Variants in UNC5D observed in about 807,000 individuals in gnomAD.
UNC5D encodes the protein unc-5 netrin receptor D, also known as netrin receptor UNC5D.
UNC5D carries 39 observed loss-of-function variants against 105.4 expected under a neutral mutation model. That is an observed-to-expected ratio of 0.37 (90% CI 0.29 to 0.48). The LOEUF (loss-of-function observed/expected upper bound fraction) is 0.48. Ranked by LOEUF, UNC5D falls within the 20% of genes least tolerant of loss-of-function variation. The pLI, the probability that UNC5D is intolerant of heterozygous loss-of-function variation, is 0.98. For synonymous variants in UNC5D, 452 were observed against 450.4 expected, an observed-to-expected ratio of 1.00 and a Z score of -0.04; for missense variants, 991 against 1,202.4, an observed-to-expected ratio of 0.82 and a Z score of 2.60.
intron 14 of UNC5D, among the ~76,000 whole-genome samples, chr8:35,763,348 T>G (rs2131696009): frequency 6.6e-6 from 1 of 152,226 alleles, no homozygotes; most frequent in Non-Finnish European, 1.5e-5. Context: ...CAGTAGGCAT[T>G]ACTCTTTTAT....
intron 1 of UNC5D, among the ~76,000 whole-genome samples, chr8:35,266,807 C>A (rs1213143950): frequency 2.1e-5 from 1 of 46,838 alleles, no homozygotes; most frequent in African/African-American, 9.4e-5. Context: ...GTTAATGGAG[C>A]ACCTACACAT....
intron 1 of UNC5D, among the ~76,000 whole-genome samples, chr8:35,381,367 C>CT (rs1344081085): frequency 6.6e-6 from 1 of 152,076 alleles, no homozygotes; most frequent in Non-Finnish European, 1.5e-5. Flanking sequence ...TGATTTATAA[C>CT]CATAGACTCT....
At chr8:35,552,998 T>A (rs1396630549) in intron 2 of UNC5D, among the ~76,000 whole-genome samples, 2 of 152,202 alleles carry the variant, frequency 1.3e-5, no homozygotes, top group Non-Finnish European at 2.9e-5. Flanking sequence ...ACTGGGGCTG[T>A]ATGTTTTTTA....
At chr8:35,570,824 G>T (rs1347100768) in intron 3 of UNC5D, among the ~76,000 whole-genome samples, 4 of 151,860 alleles carry the variant, frequency 2.6e-5, no homozygotes, top group Non-Finnish European at 5.9e-5. Flanking sequence ...CAGGTATGGT[G>T]GCATATGCCT....
At chr8:35,310,477 G>A (rs527313416) in intron 1 of UNC5D, among the ~76,000 whole-genome samples, 3 of 151,974 alleles carry the variant, frequency 2.0e-5, no homozygotes, top group East Asian at 1.9e-4. Flanking sequence ...AAAATCTGCC[G>A]GGTGTGGTAA....
At chr8:35,609,587 G>A (rs1227260374) in intron 4 of UNC5D, among the ~76,000 whole-genome samples, 1 of 152,176 alleles carries the variant, frequency 6.6e-6, no homozygotes, top group African/African-American at 2.4e-5. Context: ...CACCGAGTAT[G>A]TATCATTCTG....
At chr8:35,538,953 T>C (rs564571017) in intron 1 of UNC5D, among the ~76,000 whole-genome samples, 8 of 152,254 alleles carry the variant, frequency 5.3e-5, no homozygotes, top group African/African-American at 1.9e-4. Flanking sequence ...ACAACTGTAC[T>C]AAAGATATAA....
At position 35,297,763 on chromosome 8, in the gene UNC5D, T is replaced by C. The variant is rs369658953; in HGVS notation, c.103+61876T>C. Among the ~76,000 whole-genome samples the C allele has an allele frequency of 8.1e-5, 12 of 148,182 alleles. No individual in the cohort carries two copies. In the South Asian group the frequency reaches 2.2e-3, roughly 27 times the overall value. ...TGAATTGTGTTCCCTAACACTCAGA[T>C]GTAAGATGTTATGATTTTTTTTTTA... On this transcript the variant is annotated intron_variant, in intron 1 of 16. Coordinates refer to ENST00000404895, the MANE Select transcript of UNC5D (RefSeq NM_080872.4).
intron 1 of UNC5D, among the ~76,000 whole-genome samples, chr8:35,337,807 C>A (rs1250661608): frequency 2.0e-5 from 3 of 150,054 alleles, no homozygotes; most frequent in Middle Eastern, 3.5e-3. Flanking sequence ...GGTTTAATTT[C>A]AACATTTCTA....
In UNC5D at chr8:35,657,080, G is replaced by GTATATATA. The variant is rs3077002; in HGVS notation, c.571-26431_571-26424dup. 5.7e-3 allele frequency among the ~76,000 whole-genome samples: 264 copies of GTATATATA among 46,456 alleles called. 8 individuals are homozygous for GTATATATA. The highest frequency in any genetic ancestry group is 7.8e-3 in the Non-Finnish European group (215 of 27,616). 30.5% of individuals were successfully genotyped at this position (46,456 alleles called of 152,430 possible). Reference sequence around the variant, plus strand: ...TGTGTGTGTGTGTGTGTGTGTGTGTGTATATATATATATATATATATATAT... The same window carrying GTATATATA: ...TGTGTGTGTGTGTGTGTGTGTGTGTGTATATATATATATATATATATATATATATATAT... On this transcript the variant is annotated intron_variant, in intron 4 of 16. Coordinates refer to ENST00000404895, the MANE Select transcript of UNC5D (RefSeq NM_080872.4).
At chr8:35,650,369 A>G (rs1332000194) in intron 4 of UNC5D, among the ~76,000 whole-genome samples, 1 of 152,118 alleles carries the variant, frequency 6.6e-6, no homozygotes, top group Non-Finnish European at 1.5e-5. Flanking sequence ...AGTTTCTAAT[A>G]TGATAGACTG....
intron 1 of UNC5D, among the ~76,000 whole-genome samples, chr8:35,348,645 T>C (rs1563333430): frequency 6.6e-6 from 1 of 151,890 alleles, no homozygotes; most frequent in South Asian, 2.1e-4. Context: ...TTAAAAATTC[T>C]GATAATTCCC....
At chr8:35,455,073 C>T (rs191636432) in intron 1 of UNC5D, among the ~76,000 whole-genome samples, 122 of 152,156 alleles carry the variant, frequency 8.0e-4, no homozygotes, top group South Asian at 2.3e-3. Flanking sequence ...TCTATAGAGA[C>T]TTATAGGTTT....
At chr8:35,516,261 G>A (rs1014265744) in intron 1 of UNC5D, among the ~76,000 whole-genome samples, 2 of 152,114 alleles carry the variant, frequency 1.3e-5, no homozygotes, top group Non-Finnish European at 2.9e-5. Flanking sequence ...TCAGTTGCAT[G>A]CAAATCTGGA....
intron 1 of UNC5D, among the ~76,000 whole-genome samples, chr8:35,485,300 T>A (rs1234967280): frequency 1.3e-5 from 2 of 152,188 alleles, no homozygotes; most frequent in East Asian, 3.9e-4. Flanking sequence ...TCAGCTAATA[T>A]TTGTTTCTAG....
At chr8:35,700,462 A>G (rs182539647) in intron 7 of UNC5D, among the ~76,000 whole-genome samples, 482 of 152,098 alleles carry the variant, frequency 3.2e-3, no homozygotes, top group African/African-American at 9.6e-3. Context: ...TAATTTTTGG[A>G]AAAAAAATAC....
At chr8:35,237,068 C>T (rs2128797341) in intron 1 of UNC5D, among the ~76,000 whole-genome samples, 1 of 151,072 alleles carries the variant, frequency 6.6e-6, no homozygotes, top group Admixed American at 6.6e-5. Flanking sequence ...AAGCTTATGG[C>T]GTGTTAAAAG....
chr8:35,718,396 C>G (rs1437528775), intron 8 of UNC5D, among the ~76,000 whole-genome samples: 1 of 152,086 alleles, frequency 6.6e-6, no homozygotes, highest in East Asian at 1.9e-4. Context: ...TAGGTATAAA[C>G]GTATGTGTAA....
At position 35,774,277 on chromosome 8, in the gene UNC5D, G is replaced by T. The variant is rs542134664; in HGVS notation, c.2479-22G>T. 4 of 1,613,496 alleles carry T rather than the reference G, an allele frequency of 2.5e-6. No individual in the cohort carries two copies. In the South Asian group the frequency reaches 4.4e-5, roughly 18 times the overall value. On this transcript the variant is annotated intron_variant, in intron 15 of 16. Transcript: ENST00000404895. ...ACTGCTTTCAGATAGATCTGATCAT[G>T]CGTTCCTTATTTTGTTTATAGAGTG...
Sources: allele counts gnomAD v4.1 joint callset (sites outside exome capture counted in the v4.1 genomes callset), GRCh38; gene constraint gnomAD v4.1.1; transcripts MANE v1.5; gene names NCBI Gene and HGNC (gene_info 2026-07-23, HGNC 2026-07-21).